Variants in STXBP5L observed in about 807,000 individuals in gnomAD.
The protein encoded by STXBP5L is syntaxin binding protein 5L, also known as syntaxin-binding protein 5-like.
A neutral mutation model predicts 144.5 loss-of-function variants in STXBP5L; 65 were observed. The ratio of observed to expected loss-of-function variants is 0.45; its 90% confidence interval spans 0.37 to 0.55. STXBP5L has a LOEUF of 0.55. Ranked by LOEUF, STXBP5L falls within the 20% of genes least tolerant of loss-of-function variation. The pLI, the probability that STXBP5L is intolerant of heterozygous loss-of-function variation, is 0.00. For missense variants in STXBP5L, 1,298 were observed against 1,405.5 expected (o/e 0.92, Z 1.22); for synonymous variants, 505 against 469.6 (o/e 1.08, Z -0.97).
chr3:121,188,519 AG>A (rs2047496121), intron 9 of STXBP5L, among the ~76,000 whole-genome samples: 1 of 150,398 alleles, frequency 6.6e-6, no homozygotes, highest in Non-Finnish European at 1.5e-5. Context: ...AAAGACTTTT[AG>A]ACCAATATCC....
chr3:121,283,146 TA>T (rs1351051064), intron 19 of STXBP5L, among the ~76,000 whole-genome samples: 1 of 152,014 alleles, frequency 6.6e-6, no homozygotes, highest in African/African-American at 2.4e-5. Context: ...AATGGCCTTA[TA>T]GTTGTATAAC....
chr3:121,185,234 C>T (rs1330198778), intron 9 of STXBP5L, among the ~76,000 whole-genome samples: 3 of 152,120 alleles, frequency 2.0e-5, no homozygotes, highest in Non-Finnish European at 2.9e-5. Flanking sequence ...AAATTGTCTC[C>T]CATTCTGTAG....
intron 5 of STXBP5L, among the ~76,000 whole-genome samples, chr3:121,068,107 T>C (rs558405824): frequency 6.6e-6 from 1 of 152,342 alleles, no homozygotes; most frequent in East Asian, 1.9e-4. Context: ...CGCCCTGGGT[T>C]CAAGTGATAC....
intron 2 of STXBP5L, among the ~76,000 whole-genome samples, chr3:120,917,952 A>C (rs1247933991): frequency 6.6e-6 from 1 of 152,226 alleles, no homozygotes; most frequent in Admixed American, 6.5e-5. Context: ...GGAGGTCAGA[A>C]GTATGACATG....
rs573143085 is a variant in STXBP5L, at chr3:121,061,456, G to A, written c.470+15921G>A. Among the ~76,000 whole-genome samples the A allele has an allele frequency of 3.9e-5, 6 of 152,318 alleles. No individual in the cohort carries two copies. The East Asian group carries it at 1.2e-3, about 29-fold the overall frequency. ...AGGTGAAAGCATATTCTCTTGATTT[G>A]GGGTGGAGAGTTCTGTAGATGTCTA... On this transcript the variant is annotated intron_variant, in intron 5 of 26. Transcript: ENST00000471454.
At position 121,113,672 on chromosome 3, in the gene STXBP5L, CT is replaced by C. The variant is rs1231857211; in HGVS notation, c.471-1235del. Reference sequence around the variant, plus strand: ...TTCACTTTTATTCTTTTTTCTTTTTCTTTTTTTTTTTTTTTTTTGTGACACA... The same window carrying C: ...TTCACTTTTATTCTTTTTTCTTTTTCTTTTTTTTTTTTTTTTTGTGACACA... On this transcript the variant is annotated intron_variant, in intron 5 of 26. Transcript: ENST00000471454. Among the ~76,000 whole-genome samples the C allele has an allele frequency of 7.1e-3, 868 of 122,540 alleles. 2 individuals are homozygous for C. The highest frequency in any genetic ancestry group is 0.022 in the Middle Eastern group (5 of 224). 80.4% of individuals were successfully genotyped at this position (122,540 alleles called of 152,430 possible).
At chr3:121,343,704 C>T (rs917817222) in intron 20 of STXBP5L, among the ~76,000 whole-genome samples, 3 of 151,994 alleles carry the variant, frequency 2.0e-5, no homozygotes, top group African/African-American at 4.8e-5. Flanking sequence ...ACGTGAAGGA[C>T]CTCTTCAAGG....
intron 3 of STXBP5L, among the ~76,000 whole-genome samples, chr3:120,968,005 G>C (rs976862591): frequency 6.6e-6 from 1 of 152,148 alleles, no homozygotes; most frequent in African/African-American, 2.4e-5. Flanking sequence ...ATTAAGATTT[G>C]TTTCGTGACC....
intron 5 of STXBP5L, among the ~76,000 whole-genome samples, chr3:121,093,484 T>C (rs2042939498): frequency 6.6e-6 from 1 of 152,236 alleles, no homozygotes; most frequent in African/African-American, 2.4e-5. Flanking sequence ...TTCAACTTCT[T>C]CCTGGTTTAG....
chr3:120,980,056 C>T (rs1434829984), intron 3 of STXBP5L, among the ~76,000 whole-genome samples: 2 of 152,070 alleles, frequency 1.3e-5, no homozygotes, highest in Non-Finnish European at 2.9e-5. Flanking sequence ...GTGTTGATTT[C>T]CAGTTTTAAT....
intron 11 of STXBP5L, among the ~76,000 whole-genome samples, chr3:121,226,388 C>T (rs2049124715): frequency 6.6e-6 from 1 of 151,984 alleles, no homozygotes; most frequent in African/African-American, 2.4e-5. Context: ...TGAGGAGAGC[C>T]CCATTAGAGT....
At chr3:121,116,192 A>T (rs1393860215) in intron 6 of STXBP5L, among the ~76,000 whole-genome samples, 1 of 152,146 alleles carries the variant, frequency 6.6e-6, no homozygotes, top group African/African-American at 2.4e-5. Flanking sequence ...TAGGTCCTTG[A>T]TAAGATGTTT....
chr3:121,026,167 G>T (rs1481634573), intron 3 of STXBP5L, among the ~76,000 whole-genome samples: 5 of 151,394 alleles, frequency 3.3e-5, no homozygotes, highest in African/African-American at 7.3e-5. Flanking sequence ...GTGTCTATAT[G>T]ATCAAGTACT....
chr3:121,051,989 G>A (rs1948043472), intron 5 of STXBP5L, among the ~76,000 whole-genome samples: 2 of 152,166 alleles, frequency 1.3e-5, no homozygotes, highest in African/African-American at 2.4e-5. Context: ...AGAAGAAATG[G>A]ATAAATTCCT....
intron 5 of STXBP5L, among the ~76,000 whole-genome samples, chr3:121,100,064 A>T (rs2043335381): frequency 6.6e-6 from 1 of 152,198 alleles, no homozygotes; most frequent in African/African-American, 2.4e-5. Context: ...TCCCAAATAT[A>T]TATGCACCCA....
At chr3:120,941,780 G>C (rs1426598310) in intron 2 of STXBP5L, among the ~76,000 whole-genome samples, 1 of 151,696 alleles carries the variant, frequency 6.6e-6, no homozygotes, top group Non-Finnish European at 1.5e-5. Context: ...TGGAAGGCAT[G>C]ATGTCTGTTT....
intron 3 of STXBP5L, among the ~76,000 whole-genome samples, chr3:121,001,840 C>G (rs1943804025): frequency 6.6e-6 from 1 of 152,170 alleles, no homozygotes; most frequent in Non-Finnish European, 1.5e-5. Context: ...TCTGGCCACT[C>G]AGTGAGAGAA....
intron 3 of STXBP5L, among the ~76,000 whole-genome samples, chr3:121,039,605 C>T (rs189348906): frequency 6.6e-5 from 10 of 151,988 alleles, no homozygotes; most frequent in Admixed American, 1.3e-4. Flanking sequence ...CCCTCTTTCA[C>T]ATTCCTTTTA....
intron 3 of STXBP5L, among the ~76,000 whole-genome samples, chr3:121,003,600 T>C (rs558711116): frequency 6.6e-6 from 1 of 152,224 alleles, no homozygotes; most frequent in African/African-American, 2.4e-5. Context: ...CCATTGCTTT[T>C]GGTGTTTTAG....
Sources: gnomAD v4.1 joint callset for allele counts (sites outside exome capture counted in the v4.1 genomes callset) on GRCh38, gnomAD v4.1.1 for gene constraint, MANE v1.5 for transcripts, NCBI Gene and HGNC (gene_info 2026-07-23, HGNC 2026-07-21) for gene names.